The following INPP4B variants were observed in gnomAD, a reference collection of about 807,000 sequenced individuals.
INPP4B encodes inositol polyphosphate-4-phosphatase type II B, also known as inositol polyphosphate 4-phosphatase type II.
INPP4B carries 55 observed loss-of-function variants against 122.5 expected under a neutral mutation model. The observed-to-expected ratio is 0.45, with a 90% confidence interval of 0.36 to 0.56. The LOEUF (loss-of-function observed/expected upper bound fraction) is 0.56. INPP4B is among the 20% of genes least tolerant of loss of function. The pLI is 0.00. For synonymous variants in INPP4B, 403 were observed against 388.7 expected (o/e 1.04, Z -0.43); for missense variants, 1,000 against 1,097.7 (o/e 0.91, Z 1.26).
chr4:142,750,283 A>C (rs1769472320), intron 1 of INPP4B, among the ~76,000 whole-genome samples: 1 of 152,124 alleles, frequency 6.6e-6, no homozygotes. Flanking sequence ...GATAAATCAC[A>C]AAGCAGATGA....
At chr4:142,468,319 G>C (rs918363438) in intron 2 of INPP4B, among the ~76,000 whole-genome samples, 14 of 152,158 alleles carry the variant, frequency 9.2e-5, no homozygotes, top group African/African-American at 3.4e-4. Context: ...CAGGTTAAGG[G>C]CCCACATCAG....
intron 5 of INPP4B, among the ~76,000 whole-genome samples, chr4:142,408,425 C>T (rs879858249): frequency 4.6e-5 from 7 of 151,890 alleles, no homozygotes; most frequent in Non-Finnish European, 1.0e-4. Context: ...TGGTGGCACA[C>T]TCCTGTAGTG....
intron 1 of INPP4B, among the ~76,000 whole-genome samples, chr4:142,751,854 C>A (rs1174450143): frequency 6.6e-6 from 1 of 152,034 alleles, no homozygotes; most frequent in African/African-American, 2.4e-5. Context: ...CAACCTCTTA[C>A]AAAACTGTCC....
At chr4:142,324,385 G>T (rs1296188207) in intron 7 of INPP4B, among the ~76,000 whole-genome samples, 2 of 152,046 alleles carry the variant, frequency 1.3e-5, no homozygotes, top group African/African-American at 4.8e-5. Context: ...ACTGGCCTTT[G>T]CTTCTCAGCC....
intron 7 of INPP4B, among the ~76,000 whole-genome samples, chr4:142,323,748 C>CTTT (rs200537355): frequency 2.8e-4 from 40 of 143,282 alleles, no homozygotes; most frequent in African/African-American, 8.9e-4. Context: ...CCCAGCAGAT[C>CTTT]TTTTTTTTTT....
chr4:142,153,967 A>G (rs967577924), intron 17 of INPP4B, among the ~76,000 whole-genome samples: 1 of 152,140 alleles, frequency 6.6e-6, no homozygotes, highest in Non-Finnish European at 1.5e-5. Flanking sequence ...GGACCTTAAT[A>G]TTGGATAAGT....
chr4:142,755,862 C>A (rs1770431151), intron 1 of INPP4B, among the ~76,000 whole-genome samples: 1 of 152,008 alleles, frequency 6.6e-6, no homozygotes, highest in Non-Finnish European at 1.5e-5. Context: ...AGTAGTATAA[C>A]AAACACTAGT....
intron 16 of INPP4B, among the ~76,000 whole-genome samples, chr4:142,170,165 C>CT (rs1824897384): frequency 1.3e-5 from 2 of 151,360 alleles, no homozygotes; most frequent in Admixed American, 1.3e-4. Flanking sequence ...TATCTTTTGC[C>CT]TTTTTTGTTG....
intron 1 of INPP4B, among the ~76,000 whole-genome samples, chr4:142,734,390 A>G (rs1766518810): frequency 6.6e-6 from 1 of 152,210 alleles, no homozygotes; most frequent in South Asian, 2.1e-4. Context: ...ATACACATTT[A>G]TATAAAAGTG....
intron 25 of INPP4B, among the ~76,000 whole-genome samples, chr4:142,056,205 A>AC (rs1757622178): frequency 6.6e-6 from 1 of 152,040 alleles, no homozygotes; most frequent in Non-Finnish European, 1.5e-5. Context: ...CTGGTTCTTA[A>AC]CAGGCCACAG....
intron 2 of INPP4B, among the ~76,000 whole-genome samples, chr4:142,507,429 C>T: frequency 6.6e-6 from 1 of 151,976 alleles, no homozygotes; most frequent in East Asian, 1.9e-4. Context: ...ACTATTTCTG[C>T]TTTCTTGTGA....
chr4:142,682,060 G>C (rs899782839), intron 2 of INPP4B, among the ~76,000 whole-genome samples: 3 of 151,816 alleles, frequency 2.0e-5, no homozygotes, highest in African/African-American at 7.3e-5. Flanking sequence ...GTGAGTTCTA[G>C]CCTTATCCTT....
chr4:142,455,589 C>A (rs979979210), intron 3 of INPP4B, among the ~76,000 whole-genome samples: 1 of 151,810 alleles, frequency 6.6e-6, no homozygotes, highest in Non-Finnish European at 1.5e-5. Flanking sequence ...CTGCTTCCAA[C>A]TATTGTGAAC....
At chr4:142,108,738 A>C (rs1324182217) in intron 22 of INPP4B, among the ~76,000 whole-genome samples, 3 of 152,124 alleles carry the variant, frequency 2.0e-5, no homozygotes, top group Non-Finnish European at 2.9e-5. Context: ...CATGAAGTCA[A>C]ATGGTTCTGT....
intron 2 of INPP4B, among the ~76,000 whole-genome samples, chr4:142,521,124 G>A (rs552310987): frequency 2.0e-5 from 3 of 151,364 alleles, no homozygotes; most frequent in African/African-American, 4.8e-5. Flanking sequence ...CTTTGGTCTC[G>A]GTATCAAAGA....
At chr4:142,719,244 C>T (rs1436480392) in intron 2 of INPP4B, among the ~76,000 whole-genome samples, 1 of 152,114 alleles carries the variant, frequency 6.6e-6, no homozygotes, top group Non-Finnish European at 1.5e-5. Context: ...CTAATGTAAA[C>T]CTAACCTTAT....
intron 2 of INPP4B, among the ~76,000 whole-genome samples, chr4:142,527,836 A>C (rs1205798744): frequency 6.6e-6 from 1 of 151,888 alleles, no homozygotes; most frequent in Non-Finnish European, 1.5e-5. Flanking sequence ...ATTTGTCTTA[A>C]AATTTTCCTC....
chr4:142,145,107 T>C (rs1348940998), intron 18 of INPP4B, among the ~76,000 whole-genome samples: 1 of 152,074 alleles, frequency 6.6e-6, no homozygotes, highest in Non-Finnish European at 1.5e-5. Flanking sequence ...ATTAATCAAA[T>C]CAACAAAAAG....
intron 4 of INPP4B, among the ~76,000 whole-genome samples, chr4:142,430,816 A>G (rs1809148862): frequency 1.3e-5 from 2 of 152,110 alleles, no homozygotes; most frequent in Non-Finnish European, 2.9e-5. Context: ...AAATTCCCAT[A>G]TAAGATTATA....
Sources: allele counts gnomAD v4.1 joint callset (sites outside exome capture counted in the v4.1 genomes callset), GRCh38; gene constraint gnomAD v4.1.1; transcripts MANE v1.5; gene names NCBI Gene and HGNC (gene_info 2026-07-23, HGNC 2026-07-21).